The following FILIP1 variants were observed in gnomAD, a reference collection of about 807,000 sequenced individuals.
FILIP1 encodes the protein filamin-A-interacting protein 1.
Under a neutral mutation model 102.1 loss-of-function variants are expected in FILIP1, and 61 were observed. The observed-to-expected ratio is 0.60, with a 90% CI of 0.49 to 0.74. FILIP1 has a LOEUF of 0.74. Among genes scored for constraint, FILIP1 ranks in the 30% least tolerant of loss-of-function variants. The pLI is 0.00. For synonymous variants in FILIP1, 491 were observed against 526.9 expected, an observed-to-expected ratio of 0.93 and a Z score of 0.93; for missense variants, 1,314 against 1,441.2, an observed-to-expected ratio of 0.91 and a Z score of 1.43.
At chr6:75,450,445 G>A (rs1243270887) in intron 1 of FILIP1, among the ~76,000 whole-genome samples, 1 of 151,992 alleles carries the variant, frequency 6.6e-6, no homozygotes, top group East Asian at 1.9e-4. Context: ...CCAGAAGTTT[G>A]AGACCAGCCT....
chr6:75,327,526 T>C (rs1022045318), intron 4 of FILIP1, among the ~76,000 whole-genome samples: 1 of 149,336 alleles, frequency 6.7e-6, no homozygotes, highest in Non-Finnish European at 1.5e-5. Flanking sequence ...TAAGATTTTT[T>C]TGTGTGTGAA....
chr6:75,331,353 C>G (rs5008482), intron 4 of FILIP1, among the ~76,000 whole-genome samples: 1 of 151,368 alleles, frequency 6.6e-6, no homozygotes, highest in Non-Finnish European at 1.5e-5. Flanking sequence ...AGAGGGAACT[C>G]TCTGATTACA....
At chr6:75,373,607 C>A (rs773782359) in intron 2 of FILIP1, among the ~76,000 whole-genome samples, 5 of 151,780 alleles carry the variant, frequency 3.3e-5, no homozygotes, top group African/African-American at 1.2e-4. Context: ...GCCTGGCCAA[C>A]AATTTAAAAA....
At chr6:75,335,543 C>T (rs1774215529) in intron 4 of FILIP1, among the ~76,000 whole-genome samples, 1 of 151,310 alleles carries the variant, frequency 6.6e-6, no homozygotes, top group African/African-American at 2.4e-5. Context: ...TTTTCCTTCT[C>T]CCTGAGAGAG....
In FILIP1 at chr6:75,312,693, G is replaced by T. The variant is rs1203103022; in HGVS notation, c.3139C>A (p.Pro1047Thr). ...GAGTTGTATTTCCGTACTGGAGTTG[G>T]AACAGTCTGTTTTTCTGGGGTGACT... ...LKVTPEKQTV[P>T]TPVRKYNSNA... The change falls in exon 5 of 6, where the codon CCA (proline) becomes ACA (threonine). Residue 1047 changes from proline (P) to threonine (T), a missense_variant. This residue lies in a region of FILIP1 where 816 missense variants were observed against 913.1 expected (regional missense o/e 0.89). Transcript: ENST00000237172. 1 of 1,614,174 alleles carries T rather than the reference G, an allele frequency of 6.2e-7. No individual in the cohort carries two copies. Among genetic ancestry groups the T allele is most frequent in the Non-Finnish European group, 8.5e-7 (1 of 1,180,032 alleles).
intron 1 of FILIP1, among the ~76,000 whole-genome samples, chr6:75,452,962 C>T (rs1778686128): frequency 6.6e-6 from 1 of 152,146 alleles, no homozygotes; most frequent in South Asian, 2.1e-4. Flanking sequence ...TGATCAAGAA[C>T]GTTGATAACT....
chr6:75,488,751 C>G (rs1226240178), intron 1 of FILIP1, among the ~76,000 whole-genome samples: 1 of 152,166 alleles, frequency 6.6e-6, no homozygotes, highest in Non-Finnish European at 1.5e-5. Flanking sequence ...GCCACTAAAG[C>G]TGCTAAGAAA....
intron 6 of FILIP1, chr6:75,296,028 C>A: frequency 9.9e-7 from 1 of 1,012,300 alleles, no homozygotes. Context: ...ACTAAAAGAT[C>A]ATAGATGTTA....
chr6:75,479,830 C>T (rs913959832), intron 1 of FILIP1, among the ~76,000 whole-genome samples: 10 of 125,544 alleles, frequency 8.0e-5, no homozygotes, highest in African/African-American at 3.1e-4. Context: ...GATCGTACCG[C>T]TACACTCCAG....
intron 2 of FILIP1, among the ~76,000 whole-genome samples, chr6:75,380,965 C>G (rs1256519006): frequency 6.6e-6 from 1 of 152,062 alleles, no homozygotes; most frequent in Admixed American, 6.5e-5. Flanking sequence ...CATTGTTTTT[C>G]AAACTTGTTT....
intron 1 of FILIP1, among the ~76,000 whole-genome samples, chr6:75,492,575 C>T (rs1038577584): frequency 9.9e-5 from 15 of 152,082 alleles, no homozygotes; most frequent in Admixed American, 7.9e-4. Flanking sequence ...ATAAGCAATT[C>T]TGATAAAATT....
chr6:75,407,294 C>T (rs2998377), intron 2 of FILIP1, among the ~76,000 whole-genome samples: 151 of 152,100 alleles, frequency 9.9e-4, no homozygotes, highest in African/African-American at 2.3e-3. Flanking sequence ...GGCACAATCT[C>T]GGCTTACTGC....
chr6:75,442,431 A>G (rs1036596259), intron 1 of FILIP1, among the ~76,000 whole-genome samples: 35 of 152,046 alleles, frequency 2.3e-4, no homozygotes, highest in African/African-American at 7.7e-4. Context: ...GTAGCGAGCC[A>G]AGATCACGCC....
At chr6:75,306,068 A>G (rs1426363795), downstream of FILIP1, among the ~76,000 whole-genome samples, 1 of 152,246 alleles carries the variant, frequency 6.6e-6, no homozygotes, top group African/African-American at 2.4e-5. Flanking sequence ...TCCTATCCCC[A>G]GTGGATTTTA....
At chr6:75,480,722 T>C (rs1168753246) in intron 1 of FILIP1, among the ~76,000 whole-genome samples, 1 of 152,226 alleles carries the variant, frequency 6.6e-6, no homozygotes, top group Non-Finnish European at 1.5e-5. Flanking sequence ...TTTTTAAACA[T>C]ATTGAGAGTA....
At chr6:75,322,541 C>T (rs572717178) in intron 4 of FILIP1, among the ~76,000 whole-genome samples, 6 of 152,170 alleles carry the variant, frequency 3.9e-5, no homozygotes, top group Admixed American at 2.0e-4. Flanking sequence ...TAAAATCAAA[C>T]TTTTTCTTGG....
chr6:75,430,321 G>C (rs990708006), intron 1 of FILIP1, among the ~76,000 whole-genome samples: 6 of 152,086 alleles, frequency 3.9e-5, no homozygotes, highest in Non-Finnish European at 8.8e-5. Flanking sequence ...AGCAGTGTGA[G>C]AAAAGACTAA....
At chr6:75,448,974 G>A (rs1451247795) in intron 1 of FILIP1, among the ~76,000 whole-genome samples, 1 of 152,014 alleles carries the variant, frequency 6.6e-6, no homozygotes, top group Non-Finnish European at 1.5e-5. Flanking sequence ...TCCACTACTG[G>A]GTATCTACCC....
At chr6:75,490,797 C>T (rs112315958) in intron 1 of FILIP1, among the ~76,000 whole-genome samples, 1,652 of 152,106 alleles carry the variant, frequency 0.011, 29 homozygotes, top group Middle Eastern at 0.041. Context: ...TTTTTCTGTG[C>T]GTGGTAAAAC....
Sources: allele counts gnomAD v4.1 joint callset (sites outside exome capture counted in the v4.1 genomes callset), GRCh38; gene constraint gnomAD v4.1.1; regional missense constraint gnomAD v4.1.1; transcripts MANE v1.5; gene names NCBI Gene and HGNC (gene_info 2026-07-23, HGNC 2026-07-21).